Variants in ZDHHC21 observed in about 807,000 individuals in gnomAD.
The protein encoded by ZDHHC21 is zDHHC palmitoyltransferase 21.
ZDHHC21 carries 15 observed loss-of-function variants against 34.6 expected under a neutral mutation model. The ratio of observed to expected loss-of-function variants is 0.43; its 90% CI spans 0.29 to 0.67. ZDHHC21 has a LOEUF of 0.67. Ranked by LOEUF, ZDHHC21 falls within the 30% of genes least tolerant of loss-of-function variation. The probability of loss-of-function intolerance (pLI) is 0.14; values close to 1 mark genes in which losing one functional copy is unlikely to be tolerated. For synonymous variants in ZDHHC21, 142 were observed against 101.8 expected, an observed-to-expected ratio of 1.40 and a Z score of -2.38; for missense variants, 344 against 327.7, an observed-to-expected ratio of 1.05 and a Z score of -0.38.
intron 8 of ZDHHC21, among the ~76,000 whole-genome samples, chr9:14,627,341 T>A (rs756210964): frequency 2.0e-5 from 3 of 152,174 alleles, no homozygotes; most frequent in African/African-American, 7.2e-5. Context: ...TAAGTAAACA[T>A]TAACTTGCTG....
At chr9:14,685,224 G>C (rs1340940836) in intron 2 of ZDHHC21, among the ~76,000 whole-genome samples, 1 of 151,624 alleles carries the variant, frequency 6.6e-6, no homozygotes. Context: ...AAACTAAAGA[G>C]CTTCTGCACA....
intron 7 of ZDHHC21, among the ~76,000 whole-genome samples, chr9:14,643,689 A>G (rs1010066157): frequency 6.6e-6 from 1 of 152,134 alleles, no homozygotes; most frequent in Admixed American, 6.5e-5. Flanking sequence ...TTCACATAGA[A>G]TTATTATTTA....
At chr9:14,672,716 A>G (rs1835699187) in intron 5 of ZDHHC21, 114 bp downstream of exon 5, 1 of 679,918 alleles carries the variant, frequency 1.5e-6, no homozygotes, top group Non-Finnish European at 2.4e-6. Flanking sequence ...AAGCAAAGAC[A>G]TCAAAGTGGT....
chr9:14,624,453 G>T lies in ZDHHC21; in HGVS notation c.622-4771C>A, dbSNP rs1056942668. ...AACAGCAGATGAATAAAGTAAATAT[G>T]GTATATATACACAATGGAATACTAA... On this transcript the variant is annotated intron_variant, in intron 8 of 9. Coordinates refer to ENST00000380916, the MANE Select transcript of ZDHHC21 (RefSeq NM_178566.6). Among the ~76,000 whole-genome samples the T allele has an allele frequency of 2.6e-5, 4 of 151,986 alleles. No homozygotes were observed. In the South Asian group the frequency reaches 8.3e-4, roughly 32 times the overall value.
At chr9:14,685,855 C>T (rs1239082825) in intron 2 of ZDHHC21, among the ~76,000 whole-genome samples, 1 of 152,160 alleles carries the variant, frequency 6.6e-6, no homozygotes, top group African/African-American at 2.4e-5. Context: ...ACATTATACA[C>T]CATGGAATAC....
chr9:14,671,272 T>C (rs1298750530), intron 5 of ZDHHC21, among the ~76,000 whole-genome samples: 3 of 152,100 alleles, frequency 2.0e-5, no homozygotes, highest in East Asian at 3.8e-4. Context: ...AATCACCTTC[T>C]ACATGAGTCT....
chr9:14,681,556 T>C (rs1231081782), intron 2 of ZDHHC21, among the ~76,000 whole-genome samples: 3 of 152,148 alleles, frequency 2.0e-5, no homozygotes, highest in Non-Finnish European at 4.4e-5. Context: ...TAAAATGCCA[T>C]GATCAAATTT....
the ZDHHC21 span, among the ~76,000 whole-genome samples, chr9:14,601,792 T>C: frequency 6.6e-6 from 1 of 152,180 alleles, no homozygotes; most frequent in Admixed American, 6.5e-5. Flanking sequence ...GTGGCACATA[T>C]ATATCATGGA....
chr9:14,633,923 G>A (rs190593071), intron 8 of ZDHHC21, among the ~76,000 whole-genome samples: 2 of 152,278 alleles, frequency 1.3e-5, no homozygotes, highest in South Asian at 4.2e-4. Context: ...CCTTGGGCCT[G>A]GAGATCACCC....
At position 14,611,652 on chromosome 9, in the gene ZDHHC21, C is replaced by T. The variant is rs900417131; in HGVS notation, c.*7314G>A. On this transcript the variant is annotated 3_prime_UTR_variant, in exon 10 of 10. Transcript: ENST00000380916. ...GGGGTTCACACATAATTTTAGGAGC[C>T]TCAAGAATAACATAGATTTTGGCTA... The T allele has an allele frequency of 6.6e-6, 1 of 151,778 alleles. No homozygotes were observed. Among genetic ancestry groups the T allele is most frequent in the Non-Finnish European group, 1.5e-5 (1 of 67,920 alleles). 9.4% of individuals were successfully genotyped at this position (151,778 alleles called of 1,614,324 possible). A position where few individuals can be genotyped will look rare whatever the true frequency, so the allele number is the denominator to read the frequency against.
intron 7 of ZDHHC21, among the ~76,000 whole-genome samples, chr9:14,647,915 C>T (rs960789781): frequency 2.6e-5 from 4 of 152,124 alleles, no homozygotes; most frequent in African/African-American, 9.7e-5. Flanking sequence ...ATTTATCTAG[C>T]TCAGACCACC....
intron 2 of ZDHHC21, among the ~76,000 whole-genome samples, chr9:14,682,982 A>G (rs905264275): frequency 3.3e-5 from 5 of 152,238 alleles, no homozygotes; most frequent in Admixed American, 6.5e-5. Flanking sequence ...ATGTTATTTG[A>G]AACCAATGAG....
chr9:14,681,255 C>T (rs536046622), intron 2 of ZDHHC21, among the ~76,000 whole-genome samples: 13 of 152,242 alleles, frequency 8.5e-5, no homozygotes, highest in African/African-American at 2.9e-4. Context: ...GACTCGGTCT[C>T]ACTATGTTGC....
At chr9:14,629,630 T>TA (rs980043814) in intron 8 of ZDHHC21, among the ~76,000 whole-genome samples, 4 of 152,142 alleles carry the variant, frequency 2.6e-5, no homozygotes, top group Admixed American at 6.5e-5. Flanking sequence ...TATTTATTGA[T>TA]AAAAAATGCT....
chr9:14,656,948 A>C (rs1232939680), intron 7 of ZDHHC21, among the ~76,000 whole-genome samples: 1 of 151,986 alleles, frequency 6.6e-6, no homozygotes, highest in East Asian at 1.9e-4. Flanking sequence ...ATAAACATTT[A>C]CTATGCTGCT....
At chr9:14,661,569 G>A (rs1026965804) in intron 6 of ZDHHC21, among the ~76,000 whole-genome samples, 1 of 152,152 alleles carries the variant, frequency 6.6e-6, no homozygotes, top group African/African-American at 2.4e-5. Context: ...GCTTTAAAAT[G>A]AGATACAATA....
chr9:14,595,945 G>A, the ZDHHC21 span, among the ~76,000 whole-genome samples: 15 of 152,246 alleles, frequency 9.9e-5, no homozygotes, highest in South Asian at 8.3e-4. Context: ...GAAAAGACAC[G>A]GAGCAACTGG....
chr9:14,664,241 G>C (rs1474331031), intron 5 of ZDHHC21, among the ~76,000 whole-genome samples: 1 of 152,172 alleles, frequency 6.6e-6, no homozygotes, highest in Non-Finnish European at 1.5e-5. Context: ...TCAAAGAAAG[G>C]GGTGACGGAC....
chr9:14,606,634 G>T (rs907676876), downstream of ZDHHC21, among the ~76,000 whole-genome samples: 37 of 152,100 alleles, frequency 2.4e-4, no homozygotes, highest in Admixed American at 3.9e-4. Context: ...AAAATGGTTG[G>T]TTTTTTTATG....
Sources: allele counts gnomAD v4.1 joint callset (sites outside exome capture counted in the v4.1 genomes callset), GRCh38; gene constraint gnomAD v4.1.1; transcripts MANE v1.5; gene names NCBI Gene and HGNC (gene_info 2026-07-23, HGNC 2026-07-21).